Variants in RAB25 observed in about 807,000 individuals in gnomAD.
RAB25 encodes the protein RAB25, member RAS oncogene family, also known as ras-related protein Rab-25.
RAB25 carries 23 observed loss-of-function variants against 25.2 expected under a neutral mutation model. The ratio of observed to expected loss-of-function variants is 0.91; its 90% CI spans 0.66 to 1.29. RAB25 has a LOEUF of 1.29. Among genes scored for constraint, RAB25 ranks in the 50% most tolerant of loss-of-function variants. The pLI, the probability that RAB25 is intolerant of heterozygous loss-of-function variation, is 0.00. For missense variants in RAB25, 244 were observed against 277.3 expected (o/e 0.88, Z 0.85); for synonymous variants, 102 against 111.5 (o/e 0.91, Z 0.54).
intron 4 of RAB25, 33 bp downstream of exon 4, chr1:156,069,784 C>A: frequency 6.4e-7 from 1 of 1,552,024 alleles, no homozygotes; most frequent in Non-Finnish European, 8.9e-7. Flanking sequence ...CACCCCTATT[C>A]CATCCCCGTG....
rs771260017 is a variant in RAB25 at position 156,069,669 on chromosome 1, A to G, written c.434-2A>G. ...TTAATGGTGTGTTTCCCTTCCTGGC[A>G]GAAAACAATGGACTGCTCTTCCTGG... On this transcript the variant is annotated splice_acceptor_variant, in intron 3 of 4. Coordinates refer to ENST00000361084, the MANE Select transcript of RAB25 (RefSeq NM_020387.4). LOFTEE classifies it high-confidence loss of function. 4.4e-6 allele frequency: 7 copies of G among 1,605,672 alleles called. No individual in the cohort carries two copies. In the East Asian group the frequency reaches 1.6e-4, roughly 36 times the overall value.
chr1:156,061,823 C>G (rs771241695), intron 1 of RAB25, among the ~76,000 whole-genome samples: 1 of 152,072 alleles, frequency 6.6e-6, no homozygotes, highest in Admixed American at 6.6e-5. Context: ...CTTGCTCTGT[C>G]GCCCAGGCTG....
At chr1:156,068,098 G>A in intron 2 of RAB25, 172 bp from the exon 3 acceptor site, 1 of 581,432 alleles carries the variant, frequency 1.7e-6, no homozygotes, top group South Asian at 2.6e-5. Context: ...GTCCCTGGAA[G>A]GCAGAGGAGC....
intron 1 of RAB25, among the ~76,000 whole-genome samples, chr1:156,065,672 T>C (rs1647720536): frequency 6.6e-6 from 1 of 152,212 alleles, no homozygotes; most frequent in Non-Finnish European, 1.5e-5. Context: ...TGCAACCATG[T>C]ATCAACAGAC....
intron 1 of RAB25, among the ~76,000 whole-genome samples, chr1:156,065,472 A>G (rs763615159): frequency 1.3e-4 from 19 of 151,806 alleles, no homozygotes; most frequent in Non-Finnish European, 2.5e-4. Context: ...CAAACCTCCC[A>G]CTTGTCCTCC....
At chr1:156,070,103 A>G in intron 4 of RAB25, 57 bp from the exon 5 acceptor site, 1 of 1,613,632 alleles carries the variant, frequency 6.2e-7, no homozygotes, top group Non-Finnish European at 8.5e-7. Context: ...GGGGTTGGGG[A>G]GAAGGGAGCA....
chr1:156,063,561 G>A (rs1647655173), intron 1 of RAB25, among the ~76,000 whole-genome samples: 1 of 152,196 alleles, frequency 6.6e-6, no homozygotes. Context: ...GTCAAGGGCG[G>A]GGAGCTCTGT....
At chr1:156,065,650 G>A (rs529319884) in intron 1 of RAB25, among the ~76,000 whole-genome samples, 15 of 152,314 alleles carry the variant, frequency 9.8e-5, no homozygotes, top group African/African-American at 3.4e-4. Flanking sequence ...CACCAGAGAT[G>A]CAGGCTGACT....
In RAB25 at chr1:156,070,455, T is replaced by C; in HGVS notation, c.*168T>C. ...CCCTATCACAAATACCTCTTTTATCTGTCCACCCCTCACAGACTAGGACCC... is the reference window on the plus strand; with the variant it reads ...CCCTATCACAAATACCTCTTTTATCCGTCCACCCCTCACAGACTAGGACCC... On this transcript the variant is annotated 3_prime_UTR_variant, in exon 5 of 5. Transcript: ENST00000361084. The C allele has an allele frequency of 1.2e-6, 1 of 848,794 alleles. No homozygotes were observed. Among genetic ancestry groups the C allele is most frequent in the Non-Finnish European group, 1.8e-6 (1 of 557,996 alleles). The allele number at this position is 848,794 out of a possible 1,614,324, so 52.6% of individuals were successfully genotyped here.
chr1:156,061,977 G>C (rs945414389), intron 1 of RAB25, among the ~76,000 whole-genome samples: 1 of 151,736 alleles, frequency 6.6e-6, no homozygotes, highest in Non-Finnish European at 1.5e-5. Context: ...TAGAGACGGG[G>C]TTTCACCATA....
chr1:156,069,203 G>A (rs1425657211), intron 3 of RAB25, among the ~76,000 whole-genome samples: 1 of 151,842 alleles, frequency 6.6e-6, no homozygotes, highest in Non-Finnish European at 1.5e-5. Context: ...CTTTTTTTGA[G>A]AGGAGTCTCG....
intron 1 of RAB25, 73 bp from the exon 2 acceptor site, chr1:156,065,838 C>A: frequency 8.1e-7 from 1 of 1,240,468 alleles, no homozygotes; most frequent in Non-Finnish European, 1.1e-6. Context: ...TTCTGCTGGG[C>A]AGACCCTCCA....
At chr1:156,069,530 C>A in intron 3 of RAB25, 141 bp from the exon 4 acceptor site, 1 of 696,828 alleles carries the variant, frequency 1.4e-6, no homozygotes, top group Non-Finnish European at 2.5e-6. Context: ...ATGAACCTAC[C>A]TTGTAAGTTG....
intron 2 of RAB25, 66 bp from the exon 3 acceptor site, chr1:156,068,204 T>C: frequency 2.9e-6 from 4 of 1,392,160 alleles, no homozygotes; most frequent in Non-Finnish European, 3.0e-6. Context: ...GCTTGACGGC[T>C]CTGCTCTGAT....
chr1:156,067,041 C>T (rs1456761338), intron 2 of RAB25, among the ~76,000 whole-genome samples: 1 of 152,052 alleles, frequency 6.6e-6, no homozygotes, highest in African/African-American at 2.4e-5. Context: ...CGAGACCAGC[C>T]TGGCCAACAG....
At chr1:156,067,387 C>T (rs1297545709) in intron 2 of RAB25, among the ~76,000 whole-genome samples, 1 of 152,184 alleles carries the variant, frequency 6.6e-6, no homozygotes, top group Non-Finnish European at 1.5e-5. Flanking sequence ...CTCCTCGTTA[C>T]CTGATCTCTT....
At chr1:156,064,894 TG>T (rs1251151980) in intron 1 of RAB25, among the ~76,000 whole-genome samples, 4 of 152,184 alleles carry the variant, frequency 2.6e-5, no homozygotes, top group Non-Finnish European at 5.9e-5. Flanking sequence ...AGAACCACTC[TG>T]GGTGGCCTCC....
intron 2 of RAB25, among the ~76,000 whole-genome samples, chr1:156,067,242 A>G (rs962586296): frequency 4.0e-5 from 6 of 151,690 alleles, no homozygotes; most frequent in African/African-American, 9.7e-5. Flanking sequence ...AAAAAAAAAA[A>G]AAAAAGAAAA....
At chr1:156,065,873 C>A in intron 1 of RAB25, 38 bp from the exon 2 acceptor site, 1 of 1,518,108 alleles carries the variant, frequency 6.6e-7, no homozygotes. Context: ...TGGAGCTGCT[C>A]TACCCCATGC....
Sources: gnomAD v4.1 joint callset for allele counts (sites outside exome capture counted in the v4.1 genomes callset) on GRCh38, gnomAD v4.1.1 for gene constraint, MANE v1.5 for transcripts, NCBI Gene and HGNC (gene_info 2026-07-23, HGNC 2026-07-21) for gene names.